Variants in A2M observed in about 807,000 individuals in gnomAD.
The protein encoded by A2M is alpha-2-macroglobulin.
A neutral mutation model predicts 183.9 loss-of-function variants in A2M; 128 were observed. That is an observed-to-expected ratio of 0.70 (90% CI 0.60 to 0.81). The LOEUF (loss-of-function observed/expected upper bound fraction) is 0.81. Ranked by LOEUF, A2M falls within the 30% of genes least tolerant of loss-of-function variation. The pLI, the probability that A2M is intolerant of heterozygous loss-of-function variation, is 0.00. For missense variants in A2M, 1,495 were observed against 1,787.6 expected (o/e 0.84, Z 2.95); for synonymous variants, 592 against 670.8 (o/e 0.88, Z 1.81).
At chr12:9,106,191 A>G in intron 10 of A2M, 45 bp downstream of exon 10, 3 of 1,114,568 alleles carry the variant, frequency 2.7e-6, no homozygotes, top group Non-Finnish European at 4.1e-6. Flanking sequence ...TGTGCTAATT[A>G]GGTAACAGTA....
upstream of A2M, chr12:9,116,017 A>G (rs755033622): frequency 1.5e-6 from 1 of 674,520 alleles, no homozygotes; most frequent in East Asian, 2.9e-5. Flanking sequence ...GTCTCTGAAC[A>G]TTCTCTGGAA....
chr12:9,077,714 T>C lies in A2M; in HGVS notation c.3263A>G (p.Asn1088Ser). The C allele has an allele frequency of 6.2e-7, 1 of 1,614,142 alleles. No homozygotes were observed. Among genetic ancestry groups the C allele is most frequent in the Non-Finnish European group, 8.5e-7 (1 of 1,179,996 alleles). Residue 1088 changes from asparagine to serine, a missense_variant, in exon 26 of 36, where the codon AAC (asparagine) becomes AGC (serine). Transcript: ENST00000318602. ...AGAATGATTCACCTTTATGGCATTGTTGAGCAGTGACCCAGAGCTCCTGAA... is the reference window on the plus strand; with the variant it reads ...AGAATGATTCACCTTTATGGCATTGCTGAGCAGTGACCCAGAGCTCCTGAA... ...GCFRSSGSLL[N>S]NAIKGGVEDE... is the part of the protein sequence containing the mutation.
intron 15 of A2M, among the ~76,000 whole-genome samples, chr12:9,096,044 C>G (rs995734127): frequency 2.6e-5 from 4 of 152,018 alleles, no homozygotes. Flanking sequence ...CAGGCGTGAG[C>G]CACCGCGCCC....
Position 9,068,761 on chromosome 12 carries a change from CT to C in A2M, c.4344del (p.Val1449SerfsTer53). 1 of 1,606,740 alleles carries C rather than the reference CT, an allele frequency of 6.2e-7. No individual in the cohort carries two copies. Among genetic ancestry groups the C allele is most frequent in the African/African-American group, 1.3e-5 (1 of 75,010 alleles). On this transcript the variant is annotated frameshift_variant, in exon 34 of 36. Transcript: ENST00000318602. LOFTEE classifies it high-confidence loss of function. ...TCACCCGTCTCGTAGTAATCATAGA[CT>C]TTCACTATGGCTGGTTTCAGATCTC... is the stretch of plus-strand genomic sequence containing the variant. Reference protein sequence around the residue: ...PVRDLKPAIVKVYDYYETDEF... With the variant: ...PVRDLKPAIVXVYDYYETDEF...
In A2M at chr12:9,090,471, C is replaced by G. The variant is rs1949177450; in HGVS notation, c.2481G>C (p.Gln827His). Reference sequence around the variant, plus strand: ...CTAGGAAGGCGGGAGAGGCTTCCAGCTGCACACTGACCTGAAACCACACAT... The same window carrying G: ...CTAGGAAGGCGGGAGAGGCTTCCAGGTGCACACTGACCTGAAACCACACAT... ...YLPKCIRVSV[Q>H]LEASPAFLAV... Residue 827 changes from glutamine to histidine, a missense_variant, in exon 20 of 36, where the codon CAG becomes CAC. Physicochemically the swap from Gln to His is conservative, Grantham distance 24 (BLOSUM62 0). Coordinates refer to ENST00000318602, the MANE Select transcript of A2M (RefSeq NM_000014.6). The G allele has an allele frequency of 1.2e-6, 2 of 1,613,800 alleles. No individual in the cohort carries two copies. The highest frequency in any genetic ancestry group is 1.7e-5 in the Admixed American group (1 of 59,994).
intron 35 of A2M, 68 bp from the exon 36 acceptor site, chr12:9,067,907 C>T: frequency 6.8e-7 from 1 of 1,470,544 alleles, no homozygotes. Flanking sequence ...TATTCTTTCC[C>T]TTAGTTCTGG....
intron 28 of A2M, among the ~76,000 whole-genome samples, chr12:9,075,812 G>A (rs1291048221): frequency 6.6e-6 from 1 of 152,132 alleles, no homozygotes; most frequent in Admixed American, 6.5e-5. Context: ...AGGTGGTAGT[G>A]ATACACAAGG....
intron 14 of A2M, 103 bp downstream of exon 14, chr12:9,099,278 T>A (rs1949478440): frequency 9.1e-7 from 1 of 1,094,576 alleles, no homozygotes; most frequent in Non-Finnish European, 1.3e-6. Context: ...CTGGGGAATT[T>A]GTTTAACCCT....
At chr12:9,070,812 G>C (rs116718744) in intron 31 of A2M, among the ~76,000 whole-genome samples, 1 of 148,392 alleles carries the variant, frequency 6.7e-6, no homozygotes, top group Non-Finnish European at 1.5e-5. Context: ...GTGTATGGGG[G>C]CTGAGGATCT....
rs1457796127 is a variant in A2M at position 9,101,270 on chromosome 12, C to T, written c.1495-63G>A. 6.0e-6 allele frequency: 9 copies of T among 1,495,034 alleles called. No individual in the cohort carries two copies. In the Admixed American group the frequency reaches 1.8e-4, roughly 29 times the overall value. The allele number at this position is 1,495,034 out of a possible 1,614,324, so 92.6% of individuals were successfully genotyped here. A position where few individuals can be genotyped will look rare whatever the true frequency, so the allele number is the denominator to read the frequency against. On this transcript the variant is annotated intron_variant, in intron 12 of 35. Transcript: ENST00000318602. ...GAGAGAACACGCTTCAGTCTCACTT[C>T]AATATACTTGTTTTATTGAGTCCCT...
rs185135459 is a variant in A2M, at chr12:9,092,535, C to T, written c.2240+930G>A. On this transcript the variant is annotated intron_variant, in intron 18 of 35. Transcript: ENST00000318602. ...GTGAAAGGGAGAAGTAAACAAGACT[C>T]CAGGAGCCTGAAAGGGAGTATATGG... 2.4e-3 allele frequency among the ~76,000 whole-genome samples: 367 copies of T among 152,264 alleles called. 1 individual carries two copies. Among genetic ancestry groups the T allele is most frequent in the African/African-American group, 8.6e-3 (357 of 41,568 alleles).
chr12:9,091,618 G>A (rs1275389180), intron 18 of A2M, among the ~76,000 whole-genome samples, 189 bp from the exon 19 acceptor site: 2 of 152,172 alleles, frequency 1.3e-5, no homozygotes, highest in Non-Finnish European at 2.9e-5. Flanking sequence ...TTTAATTGTA[G>A]TATATCAGAA....
rs930595853 is a variant in A2M, at chr12:9,101,451, T to G, written c.1490A>C (p.Tyr497Ser). 35 of 1,611,360 alleles carry G rather than the reference T, an allele frequency of 2.2e-5. No homozygotes were observed. The highest frequency in any genetic ancestry group is 8.5e-7 in the Non-Finnish European group (1 of 1,177,926). Residue 497 changes from tyrosine to serine, a missense_variant, in exon 12 of 36, where the codon TAT (tyrosine) becomes TCT (serine). Coordinates refer to ENST00000318602, the MANE Select transcript of A2M (RefSeq NM_000014.6). ...LLGLKKLSFY[Y>S]LIMAKGGIVR... ...CGCAGTAACCTCCCTTCTCACCAGA[T>G]AATAGAAGGAGAGCTTCTTCAGCCC...
In A2M at chr12:9,110,343, C is replaced by G; in HGVS notation, c.484-9G>C. On this transcript the variant is annotated splice_polypyrimidine_tract_variant and intron_variant, in intron 4 of 35. Coordinates refer to ENST00000318602, the MANE Select transcript of A2M (RefSeq NM_000014.6). ...ATGTATACTAGTGGAATCTGAAAGACAAAAGAAAAAAGAAGTTTATAATTA... is the reference window on the plus strand; with the variant it reads ...ATGTATACTAGTGGAATCTGAAAGAGAAAAGAAAAAAGAAGTTTATAATTA... The G allele has an allele frequency of 7.1e-7, 1 of 1,410,484 alleles. No individual in the cohort carries two copies. The highest frequency in any genetic ancestry group is 2.6e-5 in the East Asian group (1 of 38,476). The allele number at this position is 1,410,484 out of a possible 1,614,324, so 87.4% of individuals were successfully genotyped here.
chr12:9,080,138 G>A lies in A2M; in HGVS notation c.2810C>T (p.Pro937Leu). 1 of 1,589,398 alleles carries A rather than the reference G, an allele frequency of 6.3e-7. No homozygotes were observed. The highest frequency in any genetic ancestry group is 2.3e-5 in the East Asian group (1 of 43,938). Residue 937 changes from proline to leucine, a missense_variant, in exon 23 of 36, where the codon CCA (proline) becomes CTA (leucine). Pro to Leu is a moderately conservative substitution (Grantham distance 98). Transcript: ENST00000318602. ...TCGGGCAGATTCTTCTACCACATTT[G>A]GTGGCAGTTTCAGGGATAATTCTTC... ...VSEELSLKLP[P>L]NVVEESARAS... is the part of the protein sequence containing the mutation.
rs746149635 is a variant in A2M, at chr12:9,077,882, A to C, written c.3120-25T>G. On this transcript the variant is annotated intron_variant, in intron 25 of 35. Coordinates refer to ENST00000318602, the MANE Select transcript of A2M (RefSeq NM_000014.6). ...CCTGACCAGGGAGGAAGCAATCATG[A>C]TGTTTATGTTGTCAAAATGGTTTTA... 3.0e-5 allele frequency: 49 copies of C among 1,613,924 alleles called. No individual in the cohort carries two copies. In the African/African-American group the frequency reaches 6.0e-4, roughly 20 times the overall value.
At chr12:9,074,188 A>G (rs936291452) in intron 29 of A2M, among the ~76,000 whole-genome samples, 1 of 151,608 alleles carries the variant, frequency 6.6e-6, no homozygotes, top group South Asian at 2.1e-4. Flanking sequence ...ATTTGCGAGG[A>G]GAGGTTGTTG....
At chr12:9,082,433 C>T (rs1948934648) in intron 22 of A2M, among the ~76,000 whole-genome samples, 1 of 152,306 alleles carries the variant, frequency 6.6e-6, no homozygotes, top group Admixed American at 6.5e-5. Flanking sequence ...CAACCAGTGG[C>T]CCTACCAAAC....
At chr12:9,068,948 C>G in intron 33 of A2M, 106 bp from the exon 34 acceptor site, 1 of 713,216 alleles carries the variant, frequency 1.4e-6, no homozygotes, top group Non-Finnish European at 2.3e-6. Flanking sequence ...TATTATCCTA[C>G]AGCACACTAT....
Sources: gnomAD v4.1 joint callset for allele counts (sites outside exome capture counted in the v4.1 genomes callset) on GRCh38, gnomAD v4.1.1 for gene constraint, MANE v1.5 for transcripts, NCBI Gene and HGNC (gene_info 2026-07-23, HGNC 2026-07-21) for gene names.